GRB10: variants seen among roughly 807,000 people sequenced by gnomAD.
GRB10 encodes growth factor receptor-bound protein 10.
In GRB10, 20 loss-of-function variants were observed where a neutral mutation model predicts 80.9. That is an observed-to-expected ratio of 0.25 (90% CI 0.17 to 0.36). The LOEUF (loss-of-function observed/expected upper bound fraction) is 0.36, where lower values mean the gene tolerates loss of function less well. Ranked by LOEUF, GRB10 falls within the 10% of genes least tolerant of loss-of-function variation. The pLI is 1.00. For synonymous variants in GRB10, 291 were observed against 291.5 expected (o/e 1.00, Z 0.02); for missense variants, 548 against 747.7 (o/e 0.73, Z 3.12).
At chr7:50,712,280 T>C (rs1325419438) in intron 4 of GRB10, among the ~76,000 whole-genome samples, 1 of 152,214 alleles carries the variant, frequency 6.6e-6, no homozygotes, top group Non-Finnish European at 1.5e-5. Flanking sequence ...ACTTTAGGTC[T>C]ATGCAAGAGG....
In GRB10 at chr7:50,734,345, C is replaced by A. The variant is rs539505958; in HGVS notation, c.-46-1977G>T. The stretch of plus-strand genomic sequence containing the variant: ...CTGCCTTCTCCCCTAACTGCAAGGA[C>A]CTGTTTCTCTCCCCTTCGCCCACAT... On this transcript the variant is annotated intron_variant, in intron 3 of 18. Transcript: ENST00000401949. Among the ~76,000 whole-genome samples, 8 of 152,328 alleles carry A rather than the reference C, an allele frequency of 5.3e-5. No homozygotes were observed. In the South Asian group the frequency reaches 1.2e-3, roughly 24 times the overall value.
chr7:50,683,146 A>G (rs1443754687), intron 5 of GRB10, among the ~76,000 whole-genome samples: 1 of 152,228 alleles, frequency 6.6e-6, no homozygotes, highest in African/African-American at 2.4e-5. Flanking sequence ...TTCAGCCACA[A>G]AAAAGGAAGG....
chr7:50,647,153 G>T (rs2057318816), intron 7 of GRB10, among the ~76,000 whole-genome samples: 1 of 145,600 alleles, frequency 6.9e-6, no homozygotes, highest in African/African-American at 2.4e-5. Context: ...AACTCACTTA[G>T]AATCTATCAG....
At chr7:50,748,883 C>T (rs1465885511) in intron 3 of GRB10, among the ~76,000 whole-genome samples, 1 of 152,174 alleles carries the variant, frequency 6.6e-6, no homozygotes, top group Non-Finnish European at 1.5e-5. Flanking sequence ...CAGGGAAAAG[C>T]TACCAGGACA....
chr7:50,626,677 C>G, intron 8 of GRB10, 145 bp downstream of exon 8: 1 of 873,942 alleles, frequency 1.1e-6, no homozygotes, highest in South Asian at 1.4e-5. Flanking sequence ...TTAGGAGAAA[C>G]AGGAGAGTCG....
In GRB10 at chr7:50,592,639, T is replaced by C; in HGVS notation, c.*313A>G. ...AGGGCAAGAGTTCATTTCCAATCAC[T>C]TCTCTCCGGTTCTTGTTCCTAAGCG... On this transcript the variant is annotated 3_prime_UTR_variant, in exon 19 of 19. Coordinates refer to ENST00000401949, the MANE Select transcript of GRB10 (RefSeq NM_001350814.2). 1 of 438,050 alleles carries C rather than the reference T, an allele frequency of 2.3e-6. No homozygotes were observed. The highest frequency in any genetic ancestry group is 2.4e-5 in the South Asian group (1 of 42,362). 27.1% of individuals were successfully genotyped at this position (438,050 alleles called of 1,614,324 possible).
rs996481277 is a variant in GRB10, at chr7:50,598,805, G to T, written c.1545-3275C>A. ...GGTTGGGAGAAGGGAAAGCTTCAAA[G>T]AATTCAAATTTTGCCGAAGAGGTTT... On this transcript the variant is annotated intron_variant, in intron 17 of 18. Transcript: ENST00000401949. Among the ~76,000 whole-genome samples, 5 of 152,210 alleles carry T rather than the reference G, an allele frequency of 3.3e-5. No homozygotes were observed. The East Asian group carries it at 7.7e-4, about 23-fold the overall frequency.
chr7:50,755,272 C>T (rs1020254898), intron 3 of GRB10, among the ~76,000 whole-genome samples: 2 of 152,188 alleles, frequency 1.3e-5, no homozygotes, highest in African/African-American at 2.4e-5. Context: ...GAATCCCACA[C>T]CCAGGGCCAA....
At chr7:50,677,710 C>T (rs763103858) in intron 5 of GRB10, among the ~76,000 whole-genome samples, 1 of 152,138 alleles carries the variant, frequency 6.6e-6, no homozygotes, top group Admixed American at 6.5e-5. Flanking sequence ...CTTAACTTAC[C>T]GTATTAACAG....
At chr7:50,722,525 T>C (rs1050945607) in intron 4 of GRB10, among the ~76,000 whole-genome samples, 6 of 152,114 alleles carry the variant, frequency 3.9e-5, no homozygotes, top group Non-Finnish European at 5.9e-5. Context: ...ACATAGTTGA[T>C]GGGGGCACAT....
chr7:50,727,816 C>T (rs1416912347), intron 4 of GRB10: 1 of 152,152 alleles, frequency 6.6e-6, no homozygotes, highest in Non-Finnish European at 1.5e-5. Flanking sequence ...CAGTGGCTCA[C>T]ATTTAACAGG....
At chr7:50,694,825 AACT>A (rs1439727529) in intron 5 of GRB10, among the ~76,000 whole-genome samples, 2 of 152,220 alleles carry the variant, frequency 1.3e-5, no homozygotes, top group Admixed American at 6.5e-5. Context: ...TTGTAAGAAT[AACT>A]ACATTATAGG....
At chr7:50,622,437 GAAC>G (rs2051964197) in intron 8 of GRB10, among the ~76,000 whole-genome samples, 1 of 152,162 alleles carries the variant, frequency 6.6e-6, no homozygotes, top group South Asian at 2.1e-4. Flanking sequence ...ATCTGACCAG[GAAC>G]AACCACAAAG....
intron 2 of GRB10, among the ~76,000 whole-genome samples, chr7:50,766,534 G>C (rs190998616): frequency 2.1e-4 from 32 of 152,290 alleles, no homozygotes; most frequent in African/African-American, 7.0e-4. Context: ...CAAAAGTAAA[G>C]AGGAAAGACA....
At chr7:50,633,624 C>G (rs567935358) in intron 7 of GRB10, among the ~76,000 whole-genome samples, 8 of 151,606 alleles carry the variant, frequency 5.3e-5, no homozygotes, top group African/African-American at 1.7e-4. Flanking sequence ...CAATGAGAGC[C>G]AAGAGAAAGT....
chr7:50,652,507 G>T (rs1326838104), intron 7 of GRB10, among the ~76,000 whole-genome samples: 1 of 152,168 alleles, frequency 6.6e-6, no homozygotes, highest in Non-Finnish European at 1.5e-5. Context: ...TTGGGCCACT[G>T]AACTGACTGC....
chr7:50,638,492 G>A (rs1284861369), intron 7 of GRB10, among the ~76,000 whole-genome samples: 2 of 152,138 alleles, frequency 1.3e-5, no homozygotes, highest in Non-Finnish European at 2.9e-5. Context: ...ATAAAGAGAT[G>A]CTCAATATCA....
chr7:50,690,398 G>A (rs557734072), intron 5 of GRB10, among the ~76,000 whole-genome samples: 72 of 152,248 alleles, frequency 4.7e-4, no homozygotes, highest in African/African-American at 1.7e-3. Flanking sequence ...TACAGACATT[G>A]GATTTTAGGA....
At chr7:50,761,793 T>C (rs942578118) in intron 2 of GRB10, 1 of 152,194 alleles carries the variant, frequency 6.6e-6, no homozygotes, top group Non-Finnish European at 1.5e-5. Flanking sequence ...ACTGTGGTGG[T>C]GGATCCTTCA....
Sources: allele counts gnomAD v4.1 joint callset (sites outside exome capture counted in the v4.1 genomes callset), GRCh38; gene constraint gnomAD v4.1.1; transcripts MANE v1.5; gene names NCBI Gene and HGNC (gene_info 2026-07-23, HGNC 2026-07-21).